The following STAB1 variants were observed in gnomAD, a reference collection of about 807,000 sequenced individuals.
STAB1 encodes the protein stabilin 1, also known as stabilin-1.
A neutral mutation model predicts 332.4 loss-of-function variants in STAB1; 250 were observed. The observed-to-expected ratio is 0.75, with a 90% CI of 0.68 to 0.84. The LOEUF is 0.84. STAB1 is among the 40% of genes least tolerant of loss of function. The pLI is 0.00. For synonymous variants in STAB1, 1,475 were observed against 1,390.4 expected, an observed-to-expected ratio of 1.06 and a Z score of -1.35; for missense variants, 3,249 against 3,489.7, an observed-to-expected ratio of 0.93 and a Z score of 1.74.
chr3:52,513,351 C>T (rs1332114266), intron 30 of STAB1, 110 bp downstream of exon 30: 4 of 1,045,168 alleles, frequency 3.8e-6, no homozygotes, highest in African/African-American at 3.2e-5. Flanking sequence ...GATTGGGGTC[C>T]CCTCGCCCTG....
chr3:52,518,290 G>C, intron 45 of STAB1, 22 bp from the exon 46 acceptor site: 2 of 1,612,296 alleles, frequency 1.2e-6, no homozygotes, highest in Non-Finnish European at 1.7e-6. Flanking sequence ...CCCCAAATCT[G>C]AGCTGACCCT....
Position 52,519,970 on chromosome 3 carries a change from A to G in STAB1, c.5262A>G (p.Arg1754=). The change falls in exon 51 of 69, where the codon CGA becomes CGG. Residue 1754 remains arginine, a synonymous_variant. Transcript: ENST00000321725. ...LKVAGLLPLL[R]EASHRPFTML... ...TGGCCGGCCTCCTGCCCCTGCTTCG[A>G]GAGGCATCCCATAGGCCCTTCACAA... 1 of 1,592,544 alleles carries G rather than the reference A, an allele frequency of 6.3e-7. No individual in the cohort carries two copies. Among genetic ancestry groups the G allele is most frequent in the Non-Finnish European group, 8.6e-7 (1 of 1,168,652 alleles).
chr3:52,518,133 T>C (rs2078938271), intron 45 of STAB1, 130 bp downstream of exon 45: 33 of 1,500,192 alleles, frequency 2.2e-5, no homozygotes, highest in South Asian at 5.3e-5. Context: ...TGACCCCTGA[T>C]TGTACCTGGG....
At chr3:52,512,231 C>A in intron 26 of STAB1, 110 bp from the exon 27 acceptor site, 1 of 1,031,618 alleles carries the variant, frequency 9.7e-7, no homozygotes, top group Non-Finnish European at 1.5e-6. Flanking sequence ...GGCTGCAGAG[C>A]AAGGGGCAGG....
rs1709403440 is a variant in STAB1 at position 52,512,959 on chromosome 3, G to C, written c.3158+1G>C. On this transcript the variant is annotated splice_donor_variant, in intron 29 of 68. Transcript: ENST00000321725. LOFTEE classifies it high-confidence loss of function. Reference sequence around the variant, plus strand: ...CAAGGACGCTGCCGAACCTGGTCAGGTGGGGCCGCCATTGCCAGGCTGTGG... The same window carrying C: ...CAAGGACGCTGCCGAACCTGGTCAGCTGGGGCCGCCATTGCCAGGCTGTGG... 1.9e-6 allele frequency: 3 copies of C among 1,606,770 alleles called. No individual in the cohort carries two copies. The African/African-American group carries it at 4.0e-5, about 21-fold the overall frequency.
chr3:52,508,569 C>T (rs779867247), intron 21 of STAB1: 1 of 587,404 alleles, frequency 1.7e-6, no homozygotes, highest in Admixed American at 2.2e-5. Flanking sequence ...TGCCTGTAAT[C>T]CCAGCACTTT....
Position 52,509,916 on chromosome 3 carries a change from G to A in STAB1, c.2394G>A (p.Gly798=). 2 of 1,613,080 alleles carry A rather than the reference G, an allele frequency of 1.2e-6. No homozygotes were observed. Among genetic ancestry groups the A allele is most frequent in the Non-Finnish European group, 8.5e-7 (1 of 1,180,028 alleles). The change falls in exon 23 of 69, where the codon GGG becomes GGA. Residue 798 remains glycine, a synonymous_variant. Coordinates refer to ENST00000321725, the MANE Select transcript of STAB1 (RefSeq NM_015136.3). ...TCTGCGACAACCGCCCAGGCAGTGG[G>A]GGGGTGTGCCAGCAGGGCACGTGTG... ...HGLCDNRPGS[G]GVCQQGTCAP...
At chr3:52,509,793 C>G in intron 22 of STAB1, 77 bp from the exon 23 acceptor site, 2 of 1,546,256 alleles carry the variant, frequency 1.3e-6, no homozygotes, top group Non-Finnish European at 1.8e-6. Context: ...CTCCCTATAT[C>G]CCCCAAACCC....
chr3:52,521,013 T>C lies in STAB1; in HGVS notation c.5908+8T>C, dbSNP rs1214210311. The C allele has an allele frequency of 1.4e-5, 22 of 1,529,470 alleles. No homozygotes were observed. Among genetic ancestry groups the C allele is most frequent in the Non-Finnish European group, 1.9e-5 (22 of 1,140,368 alleles). The allele number at this position is 1,529,470 out of a possible 1,614,324, so 94.7% of individuals were successfully genotyped here. On this transcript the variant is annotated splice_region_variant and intron_variant, in intron 55 of 68. Transcript: ENST00000321725. ...ATGGCAGTGAGTGCCAAGGTGAGCA[T>C]TGCAGACACTGTTGACTAGCTCCTC... is the stretch of plus-strand genomic sequence containing the variant.
chr3:52,497,118 C>T (rs1708087808), intron 1 of STAB1, among the ~76,000 whole-genome samples: 1 of 152,200 alleles, frequency 6.6e-6, no homozygotes, highest in East Asian at 1.9e-4. Flanking sequence ...TCTCCTGCCT[C>T]AGCCTCCCGA....
At chr3:52,518,500 C>T (rs1197072462) in intron 46 of STAB1, 36 bp from the exon 47 acceptor site, 13 of 1,565,842 alleles carry the variant, frequency 8.3e-6, no homozygotes, top group Admixed American at 1.9e-5. Flanking sequence ...CCTCAGGCTT[C>T]TCCCATTCCA....
At chr3:52,495,546 G>A in intron 1 of STAB1, 55 bp downstream of exon 1, 1 of 1,266,404 alleles carries the variant, frequency 7.9e-7, no homozygotes, top group Non-Finnish European at 1.0e-6. Flanking sequence ...CCGGCCAGCG[G>A]TGGGAACAGG....
At chr3:52,499,915 A>G (rs866799019) in intron 1 of STAB1, among the ~76,000 whole-genome samples, 18 of 145,816 alleles carry the variant, frequency 1.2e-4, no homozygotes, top group African/African-American at 4.7e-4. Context: ...AAAAAAAAAA[A>G]AAAAAAAACT....
At chr3:52,511,032 G>A (rs979220911) in intron 25 of STAB1, among the ~76,000 whole-genome samples, 1 of 152,250 alleles carries the variant, frequency 6.6e-6, no homozygotes, top group East Asian at 1.9e-4. Context: ...CCAACTCCAA[G>A]GTGGCCTCTG....
In STAB1 at chr3:52,512,853, AC is replaced by A; in HGVS notation, c.3055del (p.Arg1019AlafsTer16). 6.2e-7 allele frequency: 1 copy of A among 1,609,972 alleles called. No individual in the cohort carries two copies. The highest frequency in any genetic ancestry group is 8.5e-7 in the Non-Finnish European group (1 of 1,179,798). On this transcript the variant is annotated frameshift_variant, in exon 29 of 69. Coordinates refer to ENST00000321725, the MANE Select transcript of STAB1 (RefSeq NM_015136.3). LOFTEE classifies it high-confidence loss of function. ...AGTGCCGGCATCACGCTTCCTGCCG[AC>A]CGCCGAGTCACAGCCCTGGTGCCCT... ...LKSAGITLPA[D>X]RRVTALVPSE...
chr3:52,521,561 C>T (rs773334091), intron 56 of STAB1, 35 bp from the exon 57 acceptor site: 1 of 1,613,548 alleles, frequency 6.2e-7, no homozygotes, highest in African/African-American at 1.3e-5. Context: ...CCCTTGTGGG[C>T]CAATCTTTAT....
intron 21 of STAB1, 41 bp from the exon 22 acceptor site, chr3:52,509,169 C>G: frequency 6.3e-7 from 1 of 1,584,356 alleles, no homozygotes. Context: ...TGTAGAGAGT[C>G]CCTTTCCCAT....
chr3:52,521,628 G>A lies in STAB1; in HGVS notation c.6091G>A (p.Glu2031Lys), dbSNP rs2079075160. 3.1e-6 allele frequency: 5 copies of A among 1,613,074 alleles called. No individual in the cohort carries two copies. The highest frequency in any genetic ancestry group is 2.5e-6 in the Non-Finnish European group (3 of 1,179,858). ...CTGCACTGTGCATGGCCGCTGTGAT[G>A]AGGGCCTTGGGGGCTCTGGCTCCTG... ...CRCTVHGRCD[E>K]GLGGSGSCFC... is the part of the protein sequence containing the mutation. The change falls in exon 57 of 69, where the codon GAG becomes AAG. Residue 2031 changes from glutamate to lysine, a missense_variant. Physicochemically the swap from Glu to Lys is moderately conservative, Grantham distance 56. Coordinates refer to ENST00000321725, the MANE Select transcript of STAB1 (RefSeq NM_015136.3).
rs1463832765 is a variant in STAB1 at position 52,522,867 on chromosome 3, G to A, written c.6837G>A (p.Arg2279=). The A allele has an allele frequency of 1.9e-6, 3 of 1,613,294 alleles. No individual in the cohort carries two copies. In the Admixed American group the frequency reaches 5.0e-5, roughly 27 times the overall value. The change falls in exon 62 of 69, where the codon CGG becomes CGA. Residue 2279 remains arginine (R), a synonymous_variant. Transcript: ENST00000321725. ...CTGTGGCGGACTGTGGCAATGGTCG[G>A]GTGGGCATAGTCAGCCTGGGTGCCC... ...VFPVADCGNG[R]VGIVSLGARK...
Sources: allele counts gnomAD v4.1 joint callset (sites outside exome capture counted in the v4.1 genomes callset), GRCh38; gene constraint gnomAD v4.1.1; transcripts MANE v1.5; gene names NCBI Gene and HGNC (gene_info 2026-07-23, HGNC 2026-07-21).